The following NNT variants were observed in gnomAD, a reference collection of about 807,000 sequenced individuals.
NNT encodes nicotinamide nucleotide transhydrogenase, also known as NAD(P) transhydrogenase, mitochondrial.
NNT carries 50 observed loss-of-function variants against 104.8 expected under a neutral mutation model. The observed-to-expected ratio is 0.48, with a 90% confidence interval of 0.38 to 0.60. The LOEUF (loss-of-function observed/expected upper bound fraction) is 0.60. NNT is among the 20% of genes least tolerant of loss of function. NNT has a pLI of 0.00. For missense variants in NNT, 1,131 were observed against 1,330.7 expected (o/e 0.85, Z 2.33); for synonymous variants, 461 against 490.4 (o/e 0.94, Z 0.79).
At chr5:43,649,357 T>A in intron 11 of NNT, 49 bp downstream of exon 11, 1 of 1,601,340 alleles carries the variant, frequency 6.2e-7, no homozygotes, top group South Asian at 1.1e-5. Flanking sequence ...ATAGGGTTAC[T>A]CAGCTCTAGG....
chr5:43,683,402 G>A (rs1741822363), intron 19 of NNT, among the ~76,000 whole-genome samples: 1 of 152,220 alleles, frequency 6.6e-6, no homozygotes, highest in Admixed American at 6.5e-5. Flanking sequence ...ATTAAAGCCT[G>A]TGCTTTAGGT....
chr5:43,671,756 T>C (rs1344278788), intron 17 of NNT, among the ~76,000 whole-genome samples: 2 of 152,198 alleles, frequency 1.3e-5, no homozygotes, highest in African/African-American at 2.4e-5. Context: ...GTGACAATTA[T>C]GTGTCTTGGA....
intron 19 of NNT, among the ~76,000 whole-genome samples, chr5:43,679,779 AT>A (rs1379870436): frequency 1.3e-5 from 2 of 152,108 alleles, no homozygotes; most frequent in Non-Finnish European, 2.9e-5. Context: ...TCAGTTCTAC[AT>A]TTTTTATTGA....
At chr5:43,698,433 A>G (rs1742676392) in intron 19 of NNT, among the ~76,000 whole-genome samples, 1 of 151,904 alleles carries the variant, frequency 6.6e-6, no homozygotes, top group Admixed American at 6.6e-5. Context: ...TTCCAGTCTG[A>G]GTGAGTGTGG....
At chr5:43,658,144 GAA>G (rs965090455) in intron 16 of NNT, among the ~76,000 whole-genome samples, 56 of 151,934 alleles carry the variant, frequency 3.7e-4, no homozygotes, top group African/African-American at 1.3e-3. Flanking sequence ...CAAAAAAAAA[GAA>G]AGAAAAAAAG....
chr5:43,681,396 T>C (rs1741710059), intron 19 of NNT, among the ~76,000 whole-genome samples: 1 of 152,140 alleles, frequency 6.6e-6, no homozygotes, highest in Non-Finnish European at 1.5e-5. Flanking sequence ...CTTATTTTTT[T>C]TAATTATTAT....
In NNT at chr5:43,644,670, C is replaced by T. The variant is rs1304161646; in HGVS notation, c.1158C>T (p.Thr386=). 4.3e-6 allele frequency: 7 copies of T among 1,614,174 alleles called. No individual in the cohort carries two copies. The Admixed American group carries it at 8.3e-5, about 19-fold the overall frequency. The change falls in exon 9 of 22, where the codon ACC becomes ACT. Residue 386 remains threonine, a synonymous_variant. Transcript: ENST00000344920. The part of the protein sequence containing the change: ...LPSRMATQAS[T]LYSNNITKLL... ...GCCGAATGGCCACTCAGGCCAGCAC[C>T]CTATATTCCAACAACATCACCAAAC...
chr5:43,658,564 G>A lies in NNT; in HGVS notation c.2455-607G>A, dbSNP rs1165364484. ...TTGACTCCCTTATGGTGGGTGGTGG[G>A]GGGCAGCTGAAATCTATTGTTATTT... is the stretch of plus-strand genomic sequence containing the variant. On this transcript the variant is annotated intron_variant, in intron 16 of 21. Coordinates refer to ENST00000344920, the MANE Select transcript of NNT (RefSeq NM_182977.3). Among the ~76,000 whole-genome samples, 15 of 152,140 alleles carry A rather than the reference G, an allele frequency of 9.9e-5. 1 individual carries two copies. Among genetic ancestry groups the A allele is most frequent in the Admixed American group, 9.8e-4 (15 of 15,272 alleles).
chr5:43,662,147 T>C (rs1386078669), intron 17 of NNT, among the ~76,000 whole-genome samples: 1 of 152,218 alleles, frequency 6.6e-6, no homozygotes, highest in African/African-American at 2.4e-5. Context: ...ATGGTTTTCT[T>C]TAGGTTTTTA....
chr5:43,639,244 C>T (rs1751095195), intron 7 of NNT, among the ~76,000 whole-genome samples: 1 of 152,090 alleles, frequency 6.6e-6, no homozygotes, highest in Non-Finnish European at 1.5e-5. Flanking sequence ...TCTTAGTATT[C>T]ATTTATTGAG....
intron 4 of NNT, among the ~76,000 whole-genome samples, chr5:43,618,390 G>A (rs180952396): frequency 3.0e-4 from 45 of 152,184 alleles, no homozygotes; most frequent in Non-Finnish European, 5.3e-4. Flanking sequence ...TCAGTATATC[G>A]GAAAATCCCA....
At chr5:43,698,548 T>G (rs1403362399) in intron 19 of NNT, among the ~76,000 whole-genome samples, 4 of 152,198 alleles carry the variant, frequency 2.6e-5, no homozygotes, top group African/African-American at 9.6e-5. Context: ...TTCCTAACTG[T>G]ATGTATAGCT....
chr5:43,663,824 G>A (rs1477644952), intron 17 of NNT, among the ~76,000 whole-genome samples: 1 of 152,190 alleles, frequency 6.6e-6, no homozygotes, highest in East Asian at 1.9e-4. Context: ...TGTTTGTGGA[G>A]TTTGGCCAAG....
At chr5:43,702,942 T>C (rs1484203214) in intron 21 of NNT, among the ~76,000 whole-genome samples, 1 of 152,070 alleles carries the variant, frequency 6.6e-6, no homozygotes, top group African/African-American at 2.4e-5. Context: ...TAATCACAAG[T>C]AGAACCAGAT....
At chr5:43,622,514 T>C (rs997025153) in intron 5 of NNT, among the ~76,000 whole-genome samples, 1 of 152,214 alleles carries the variant, frequency 6.6e-6, no homozygotes. Context: ...GCGATCCTCC[T>C]GTCTTGGCCT....
intron 19 of NNT, among the ~76,000 whole-genome samples, chr5:43,691,834 T>C (rs1252037120): frequency 2.0e-5 from 3 of 152,254 alleles, no homozygotes; most frequent in African/African-American, 7.2e-5. Flanking sequence ...ATAGGATCTC[T>C]GCCTTTGTTG....
At chr5:43,675,903 T>C (rs998769039) in intron 18 of NNT, among the ~76,000 whole-genome samples, 5 of 152,218 alleles carry the variant, frequency 3.3e-5, no homozygotes, top group African/African-American at 7.2e-5. Flanking sequence ...TCTAGCCATG[T>C]CTTTCTGTGA....
rs1750895461 is a variant in NNT at position 43,635,698 on chromosome 5, T to C, written c.964+7311T>C. Reference sequence around the variant, plus strand: ...TGTGGTTGGCTGCCCTCTTGCTGTGTCCTCACATGGTCTTTCCTCTGTGTG... The same window carrying C: ...TGTGGTTGGCTGCCCTCTTGCTGTGCCCTCACATGGTCTTTCCTCTGTGTG... On this transcript the variant is annotated intron_variant, in intron 7 of 21. Coordinates refer to ENST00000344920, the MANE Select transcript of NNT (RefSeq NM_182977.3). 3.9e-5 allele frequency among the ~76,000 whole-genome samples: 6 copies of C among 152,296 alleles called. 1 individual carries two copies. The South Asian group carries it at 1.2e-3, about 32-fold the overall frequency.
intron 3 of NNT, among the ~76,000 whole-genome samples, chr5:43,613,818 G>T (rs1454465310): frequency 6.6e-6 from 1 of 152,118 alleles, no homozygotes; most frequent in Non-Finnish European, 1.5e-5. Context: ...AGCAAACAGG[G>T]AAGTAACTCA....
Sources: gnomAD v4.1 joint callset for allele counts (sites outside exome capture counted in the v4.1 genomes callset) on GRCh38, gnomAD v4.1.1 for gene constraint, MANE v1.5 for transcripts, NCBI Gene and HGNC (gene_info 2026-07-23, HGNC 2026-07-21) for gene names.